SLC25A21: variants seen among roughly 807,000 people sequenced by gnomAD.
The protein encoded by SLC25A21 is solute carrier family 25 member 21, also known as mitochondrial 2-oxodicarboxylate carrier.
A neutral mutation model predicts 43.8 loss-of-function variants in SLC25A21; 47 were observed. That is an observed-to-expected ratio of 1.07 (90% CI 0.85 to 1.37). The LOEUF (loss-of-function observed/expected upper bound fraction) is 1.37, where lower values mean the gene tolerates loss of function less well. Among genes scored for constraint, SLC25A21 ranks in the 40% most tolerant of loss-of-function variants. The pLI is 0.00. For synonymous variants in SLC25A21, 131 were observed against 121.3 expected, an observed-to-expected ratio of 1.08 and a Z score of -0.52; for missense variants, 352 against 350.2, an observed-to-expected ratio of 1.00 and a Z score of -0.04.
At chr14:36,928,999 A>G (rs1289516072) in intron 1 of SLC25A21, among the ~76,000 whole-genome samples, 1 of 152,212 alleles carries the variant, frequency 6.6e-6, no homozygotes, top group Non-Finnish European at 1.5e-5. Flanking sequence ...AACACTTTTC[A>G]AAAACTTCAA....
At chr14:36,684,714 A>G in intron 8 of SLC25A21, 30 bp downstream of exon 8, 1 of 1,578,198 alleles carries the variant, frequency 6.3e-7, no homozygotes, top group South Asian at 1.2e-5. Flanking sequence ...AGCCTCATAC[A>G]TTTATTAAAA....
intron 1 of SLC25A21, among the ~76,000 whole-genome samples, chr14:36,880,090 C>A (rs893559651): frequency 1.3e-5 from 2 of 152,108 alleles, no homozygotes; most frequent in African/African-American, 4.8e-5. Context: ...AAAAATATTG[C>A]ATTTCCCAGC....
At chr14:36,899,843 G>GT (rs1015207468) in intron 1 of SLC25A21, among the ~76,000 whole-genome samples, 1 of 152,124 alleles carries the variant, frequency 6.6e-6, no homozygotes, top group African/African-American at 2.4e-5. Flanking sequence ...TTAAAATGGT[G>GT]TTTTCTGGGG....
At chr14:36,711,902 T>C (rs1453176079) in intron 6 of SLC25A21, among the ~76,000 whole-genome samples, 2 of 152,346 alleles carry the variant, frequency 1.3e-5, no homozygotes, top group East Asian at 3.9e-4. Context: ...GTATTTACCT[T>C]TCTAATTATG....
rs564969123 is a variant in SLC25A21, at chr14:36,750,198, C to T, written c.204-15625G>A. Among the ~76,000 whole-genome samples the T allele has an allele frequency of 2.6e-5, 4 of 152,320 alleles. 1 individual carries two copies. The highest frequency in any genetic ancestry group is 9.6e-5 in the African/African-American group (4 of 41,574). ...AAGATCAATCTCTTTCACATTCCTA[C>T]CAAATGTCCATTTTTTTTCTGGTTT... On this transcript the variant is annotated intron_variant, in intron 3 of 9. Transcript: ENST00000331299.
chr14:37,151,138 A>AGG (rs1228197323), intron 1 of SLC25A21, among the ~76,000 whole-genome samples: 1 of 152,176 alleles, frequency 6.6e-6, no homozygotes, highest in African/African-American at 2.4e-5. Flanking sequence ...TTCTCCAAAG[A>AGG]GGAGGCTATA....
intron 3 of SLC25A21, among the ~76,000 whole-genome samples, chr14:36,800,909 T>C (rs147462259): frequency 6.6e-6 from 1 of 152,304 alleles, no homozygotes; most frequent in East Asian, 1.9e-4. Context: ...TGCATAAACA[T>C]TGAAAAGCCC....
chr14:36,680,254 ATAATT>A lies in SLC25A21; in HGVS notation c.*399_*403del. 1 of 950,352 alleles carries A rather than the reference ATAATT, an allele frequency of 1.1e-6. No individual in the cohort carries two copies. The highest frequency in any genetic ancestry group is 5.5e-4 in the Middle Eastern group (1 of 1,834). 58.9% of individuals were successfully genotyped at this position (950,352 alleles called of 1,614,324 possible). A position where few individuals can be genotyped will look rare whatever the true frequency, so the allele number is the denominator to read the frequency against. ...AACTTTTTTTTAATCCAGTCTTTGA[ATAATT>A]TGATTTATTTTCAATAGTTTAAGCA... On this transcript the variant is annotated 3_prime_UTR_variant, in exon 10 of 10. Coordinates refer to ENST00000331299, the MANE Select transcript of SLC25A21 (RefSeq NM_030631.4).
At chr14:37,042,887 C>T (rs961677135) in intron 1 of SLC25A21, among the ~76,000 whole-genome samples, 2 of 152,222 alleles carry the variant, frequency 1.3e-5, no homozygotes, top group African/African-American at 4.8e-5. Flanking sequence ...CTTTTTCCTG[C>T]ACTCCTGGCC....
intron 1 of SLC25A21, among the ~76,000 whole-genome samples, chr14:36,987,361 T>C (rs1960168351): frequency 6.6e-6 from 1 of 152,192 alleles, no homozygotes; most frequent in African/African-American, 2.4e-5. Flanking sequence ...TTTTCATAAG[T>C]ACATTTTAAT....
chr14:37,142,238 A>C (rs1016183287), intron 1 of SLC25A21, among the ~76,000 whole-genome samples: 2 of 152,232 alleles, frequency 1.3e-5, no homozygotes, highest in Non-Finnish European at 2.9e-5. Flanking sequence ...AAGATTAAGA[A>C]ACTTGTCCAA....
chr14:36,825,731 A>C (rs1320954038), intron 2 of SLC25A21, among the ~76,000 whole-genome samples: 1 of 152,232 alleles, frequency 6.6e-6, no homozygotes, highest in African/African-American at 2.4e-5. Context: ...ATTGGGTGTC[A>C]TGGGAAACCT....
intron 1 of SLC25A21, among the ~76,000 whole-genome samples, chr14:37,021,063 T>G (rs1960975227): frequency 6.6e-6 from 1 of 151,996 alleles, no homozygotes; most frequent in East Asian, 1.9e-4. Context: ...TTAGGACATT[T>G]TCATTTAGAA....
At chr14:36,959,430 G>A (rs917455837) in intron 1 of SLC25A21, among the ~76,000 whole-genome samples, 3 of 152,120 alleles carry the variant, frequency 2.0e-5, no homozygotes, top group African/African-American at 7.2e-5. Context: ...GGTGGAGGAG[G>A]TGCTGCTTCA....
At chr14:36,681,824 G>A (rs1240312321) in intron 9 of SLC25A21, among the ~76,000 whole-genome samples, 1 of 152,006 alleles carries the variant, frequency 6.6e-6, no homozygotes, top group Non-Finnish European at 1.5e-5. Flanking sequence ...TTTAACCCAT[G>A]AAGATACTCT....
At chr14:37,099,567 G>C (rs946516312) in intron 1 of SLC25A21, among the ~76,000 whole-genome samples, 3 of 151,938 alleles carry the variant, frequency 2.0e-5, no homozygotes, top group African/African-American at 7.3e-5. Context: ...CACCCATTTT[G>C]GTAGACCCTG....
intron 1 of SLC25A21, among the ~76,000 whole-genome samples, chr14:37,164,036 A>G (rs1963992436): frequency 6.6e-6 from 1 of 152,208 alleles, no homozygotes; most frequent in South Asian, 2.1e-4. Context: ...GAGGTGAGGA[A>G]GGGCTGGTTT....
At chr14:36,691,412 A>T (rs1011251050) in intron 7 of SLC25A21, among the ~76,000 whole-genome samples, 2 of 152,228 alleles carry the variant, frequency 1.3e-5, no homozygotes, top group African/African-American at 4.8e-5. Context: ...AAAATCTATT[A>T]TGTTATTAAA....
chr14:36,729,668 T>C (rs1884744326), intron 4 of SLC25A21, 102 bp from the exon 5 acceptor site: 2 of 967,964 alleles, frequency 2.1e-6, no homozygotes, highest in African/African-American at 1.7e-5. Flanking sequence ...TAACCAGCAT[T>C]TCAAAAAATG....
Sources: gnomAD v4.1 joint callset for allele counts (sites outside exome capture counted in the v4.1 genomes callset) on GRCh38, gnomAD v4.1.1 for gene constraint, MANE v1.5 for transcripts, NCBI Gene and HGNC (gene_info 2026-07-23, HGNC 2026-07-21) for gene names.